Variants in IL1RAPL2 observed in about 807,000 individuals in gnomAD.
The protein encoded by IL1RAPL2 is X-linked interleukin-1 receptor accessory protein-like 2.
A neutral mutation model predicts 44.1 loss-of-function variants in IL1RAPL2; 3 were observed. The ratio of observed to expected loss-of-function variants is 0.07; its 90% CI spans 0.03 to 0.18. IL1RAPL2 has a LOEUF of 0.18. Among genes scored for constraint, IL1RAPL2 ranks in the 10% least tolerant of loss-of-function variants. The probability of loss-of-function intolerance (pLI) is 1.00; values close to 1 mark genes in which losing one functional copy is unlikely to be tolerated. For missense variants in IL1RAPL2, 391 were observed against 496.4 expected (o/e 0.79, Z 2.02); for synonymous variants, 181 against 178.8 (o/e 1.01, Z -0.10).
chrX:104,651,921 G>T (rs1930160475), intron 1 of IL1RAPL2, among the ~76,000 whole-genome samples: 1 of 111,158 alleles, frequency 9.0e-6, no homozygotes, highest in Non-Finnish European at 1.9e-5. Context: ...CTTGGTTTGG[G>T]GTCTCCAAAA....
chrX:104,932,308 A>T (rs1261819231), intron 2 of IL1RAPL2, among the ~76,000 whole-genome samples: 1 of 110,797 alleles, frequency 9.0e-6, no homozygotes, highest in African/African-American at 3.3e-5. Flanking sequence ...CACTATGAGT[A>T]TATATTAAAT....
chrX:104,912,367 A>G (rs921465828), intron 2 of IL1RAPL2, among the ~76,000 whole-genome samples: 1 of 110,636 alleles, frequency 9.0e-6, no homozygotes, highest in Non-Finnish European at 1.9e-5. Flanking sequence ...GAGTTACAGT[A>G]TGGTGCCCTT....
intron 4 of IL1RAPL2, among the ~76,000 whole-genome samples, chrX:105,258,830 C>T (rs2034335095): frequency 8.9e-6 from 1 of 111,848 alleles, no homozygotes; most frequent in African/African-American, 3.3e-5. Flanking sequence ...GCTCCTGTAT[C>T]GTTTTATTGT....
intron 2 of IL1RAPL2, among the ~76,000 whole-genome samples, chrX:104,870,555 A>G (rs959724440): frequency 1.8e-5 from 2 of 112,039 alleles, no homozygotes; most frequent in Non-Finnish European, 3.8e-5. Flanking sequence ...GGCAAGTGGG[A>G]TCTAATTCAG....
At chrX:104,773,428 A>G (rs1932668697) in intron 2 of IL1RAPL2, among the ~76,000 whole-genome samples, 1 of 111,586 alleles carries the variant, frequency 9.0e-6, no homozygotes, top group Non-Finnish European at 1.9e-5. Context: ...TTTGCTACCC[A>G]GAATCTATTC....
At chrX:105,189,336 G>T (rs932106631) in intron 2 of IL1RAPL2, among the ~76,000 whole-genome samples, 1 of 111,915 alleles carries the variant, frequency 8.9e-6, no homozygotes, top group South Asian at 3.7e-4. Flanking sequence ...TCTGCCTCCC[G>T]GTCCCAAGCG....
chrX:104,819,862 C>T (rs1921252467), intron 2 of IL1RAPL2, among the ~76,000 whole-genome samples: 1 of 111,608 alleles, frequency 9.0e-6, no homozygotes, highest in African/African-American at 3.3e-5. Flanking sequence ...GAAACAAGCA[C>T]CTCTTGTTGA....
intron 2 of IL1RAPL2, among the ~76,000 whole-genome samples, chrX:105,113,636 C>A (rs1407021754): frequency 8.9e-6 from 1 of 111,850 alleles, no homozygotes; most frequent in Non-Finnish European, 1.9e-5. Context: ...CTTGCTTTGG[C>A]TTTGAAGTCT....
At chrX:105,281,030 C>A (rs2034527962) in intron 5 of IL1RAPL2, among the ~76,000 whole-genome samples, 3 of 111,578 alleles carry the variant, frequency 2.7e-5, no homozygotes, top group Non-Finnish European at 5.6e-5. Context: ...ACCCAAATGT[C>A]CAGCAATGAT....
chrX:105,323,872 T>TCACACA (rs112033130), intron 5 of IL1RAPL2, among the ~76,000 whole-genome samples: 30 of 102,516 alleles, frequency 2.9e-4, no homozygotes, highest in African/African-American at 9.8e-4. Flanking sequence ...TGAGACTCTG[T>TCACACA]CACACACACA....
chrX:105,098,466 G>A (rs144395970), intron 2 of IL1RAPL2, among the ~76,000 whole-genome samples: 127 of 111,818 alleles, frequency 1.1e-3, no homozygotes, highest in African/African-American at 3.0e-3. Context: ...CAGAAATTTC[G>A]TCACCTAAGC....
chrX:105,015,181 G>T (rs186638703), intron 2 of IL1RAPL2, among the ~76,000 whole-genome samples: 1,644 of 109,124 alleles, frequency 0.015, 27 homozygotes, highest in African/African-American at 0.052. Flanking sequence ...TTGTAAATTT[G>T]TTTAAGTTAT....
At chrX:104,741,769 G>C (rs989125240) in intron 2 of IL1RAPL2, among the ~76,000 whole-genome samples, 1 of 110,927 alleles carries the variant, frequency 9.0e-6, no homozygotes, top group Non-Finnish European at 1.9e-5. Flanking sequence ...AAGTTATTCA[G>C]TTATGAAAGT....
chrX:105,565,551 A>G (rs2036968338), intron 6 of IL1RAPL2, among the ~76,000 whole-genome samples: 1 of 112,045 alleles, frequency 8.9e-6, no homozygotes, highest in South Asian at 3.7e-4. Context: ...ACTGTCTTCT[A>G]GGAATTCTAA....
At chrX:104,817,500 C>A (rs1378102147) in intron 2 of IL1RAPL2, among the ~76,000 whole-genome samples, 1 of 111,291 alleles carries the variant, frequency 9.0e-6, no homozygotes, top group Non-Finnish European at 1.9e-5. Flanking sequence ...AATTTTGGGG[C>A]ATTGTTCTCT....
chrX:104,845,933 G>A (rs1191909789), intron 2 of IL1RAPL2, among the ~76,000 whole-genome samples: 1 of 111,694 alleles, frequency 9.0e-6, no homozygotes, highest in African/African-American at 3.3e-5. Flanking sequence ...CTAAGAGTCA[G>A]TGTCAAAACT....
intron 1 of IL1RAPL2, among the ~76,000 whole-genome samples, chrX:104,591,671 G>C (rs1359003652): frequency 9.9e-6 from 1 of 100,961 alleles, no homozygotes; most frequent in Non-Finnish European, 2.0e-5. Flanking sequence ...ATACAATGAT[G>C]TTAGGACCTA....
chrX:104,608,406 G>A (rs748833232), intron 1 of IL1RAPL2, among the ~76,000 whole-genome samples: 10 of 110,701 alleles, frequency 9.0e-5, no homozygotes, highest in Non-Finnish European at 1.7e-4. Flanking sequence ...TTTCTGTCTC[G>A]TTGATCTGTC....
chrX:105,385,341 T>G (rs1384155317), intron 5 of IL1RAPL2, among the ~76,000 whole-genome samples: 1 of 110,833 alleles, frequency 9.0e-6, no homozygotes, highest in Non-Finnish European at 1.9e-5. Flanking sequence ...TATTATTGTC[T>G]TCATTATTTA....
Sources: gnomAD v4.1 joint callset for allele counts (sites outside exome capture counted in the v4.1 genomes callset) on GRCh38, gnomAD v4.1.1 for gene constraint, MANE v1.5 for transcripts, NCBI Gene and HGNC (gene_info 2026-07-23, HGNC 2026-07-21) for gene names.